The following TNS3 variants were observed in gnomAD, a reference collection of about 807,000 sequenced individuals.
TNS3 encodes tensin-3.
In TNS3, 45 loss-of-function variants were observed where a neutral mutation model predicts 140.9. The ratio of observed to expected loss-of-function variants is 0.32; its 90% CI spans 0.25 to 0.41. TNS3 has a LOEUF of 0.41. Ranked by LOEUF, TNS3 falls within the 10% of genes least tolerant of loss-of-function variation. The probability of loss-of-function intolerance (pLI) is 1.00; values close to 1 mark genes in which losing one functional copy is unlikely to be tolerated. For synonymous variants in TNS3, 815 were observed against 788.4 expected, an observed-to-expected ratio of 1.03 and a Z score of -0.56; for missense variants, 1,716 against 1,906.7, an observed-to-expected ratio of 0.90 and a Z score of 1.86.
chr7:47,532,336 A>G (rs1166890225), intron 1 of TNS3, among the ~76,000 whole-genome samples: 4 of 152,084 alleles, frequency 2.6e-5, no homozygotes, highest in Non-Finnish European at 4.4e-5. Context: ...CAGCCAGCCC[A>G]TGGCCGCCCA....
At chr7:47,542,930 A>AT (rs1205224746) in intron 1 of TNS3, among the ~76,000 whole-genome samples, 1 of 151,366 alleles carries the variant, frequency 6.6e-6, no homozygotes, top group Non-Finnish European at 1.5e-5. Context: ...GACTGTCAAA[A>AT]AAAAAAAAAA....
At chr7:47,318,356 C>T (rs955407633) in intron 20 of TNS3, among the ~76,000 whole-genome samples, 1 of 152,226 alleles carries the variant, frequency 6.6e-6, no homozygotes, top group Admixed American at 6.5e-5. Flanking sequence ...ATAGCTTTCA[C>T]CCTTTGACTT....
intron 20 of TNS3, among the ~76,000 whole-genome samples, chr7:47,343,131 C>A (rs1286454865): frequency 6.6e-6 from 1 of 152,246 alleles, no homozygotes; most frequent in Non-Finnish European, 1.5e-5. Context: ...CCACTGGAAT[C>A]TAACACATGC....
In TNS3 at chr7:47,327,080, C is replaced by A. The variant is rs1161245097; in HGVS notation, c.2650+17675G>T. On this transcript the variant is annotated intron_variant, in intron 20 of 30. Transcript: ENST00000311160. ...AGGGAGCAGATGCCCAGGAGGCCCACCCTGGGCCCAGGCGCCAGCCCTGCC... is the reference window on the plus strand; with the variant it reads ...AGGGAGCAGATGCCCAGGAGGCCCAACCTGGGCCCAGGCGCCAGCCCTGCC... Among the ~76,000 whole-genome samples the A allele has an allele frequency of 8.5e-5, 13 of 152,336 alleles. No individual in the cohort carries two copies. In the South Asian group the frequency reaches 1.7e-3, roughly 19 times the overall value.
intron 10 of TNS3, among the ~76,000 whole-genome samples, chr7:47,423,696 A>C (rs1266261665): frequency 1.3e-5 from 2 of 152,270 alleles, no homozygotes; most frequent in Non-Finnish European, 2.9e-5. Context: ...GTTGCGATAA[A>C]GATCCTGTAG....
At chr7:47,358,572 T>TG (rs1790136005) in intron 17 of TNS3, among the ~76,000 whole-genome samples, 1 of 152,068 alleles carries the variant, frequency 6.6e-6, no homozygotes, top group South Asian at 2.1e-4. Flanking sequence ...TGATGAACTG[T>TG]GGGGAGCGAC....
chr7:47,488,106 T>G (rs1462089267), intron 3 of TNS3, among the ~76,000 whole-genome samples: 1 of 152,248 alleles, frequency 6.6e-6, no homozygotes, highest in Non-Finnish European at 1.5e-5. Context: ...ACCACAGCTT[T>G]GACTTCTTAC....
At chr7:47,318,406 C>A (rs974226700) in intron 20 of TNS3, among the ~76,000 whole-genome samples, 1 of 152,184 alleles carries the variant, frequency 6.6e-6, no homozygotes. Flanking sequence ...TTCCTTTAGC[C>A]AGTTTGAGTT....
intron 4 of TNS3, among the ~76,000 whole-genome samples, chr7:47,464,822 C>G (rs77470602): frequency 0.076 from 11,574 of 152,234 alleles, 593 homozygotes; most frequent in Non-Finnish European, 0.12. Flanking sequence ...CCCAATCACC[C>G]TAAGAAGGAA....
intron 13 of TNS3, among the ~76,000 whole-genome samples, chr7:47,404,781 G>A (rs1793352796): frequency 6.6e-6 from 1 of 152,150 alleles, no homozygotes; most frequent in South Asian, 2.1e-4. Context: ...CTACTCGGGA[G>A]GCTGAGGCAG....
chr7:47,530,838 A>AAATATATATATAT lies in TNS3; in HGVS notation c.-264-1692_-264-1691insATATATATATATT. Among the ~76,000 whole-genome samples, 70 of 54,478 alleles carry AAATATATATATAT rather than the reference A, an allele frequency of 1.3e-3. 1 individual carries two copies. The highest frequency in any genetic ancestry group is 2.7e-3 in the South Asian group (3 of 1,122). The allele number at this position is 54,478 out of a possible 152,430, so 35.7% of individuals were successfully genotyped here. On this transcript the variant is annotated intron_variant, in intron 1 of 30. Transcript: ENST00000311160. Reference sequence around the variant, plus strand: ...AACTCCATCTCAAAAAAAAAAAAAAAATATATATATATATATATATTTCTA... The same window carrying AAATATATATATAT: ...AACTCCATCTCAAAAAAAAAAAAAAAAATATATATATATATATATATATATATATATATTTCTA...
At chr7:47,292,401 T>C (rs1306991989) in intron 26 of TNS3, among the ~76,000 whole-genome samples, 1 of 152,250 alleles carries the variant, frequency 6.6e-6, no homozygotes, top group Admixed American at 6.5e-5. Context: ...GTGGGTGTTA[T>C]TTAATTTCAT....
At chr7:47,291,384 T>G (rs1283567175) in intron 27 of TNS3, among the ~76,000 whole-genome samples, 1 of 152,184 alleles carries the variant, frequency 6.6e-6, no homozygotes, top group Non-Finnish European at 1.5e-5. Context: ...CCATAACATG[T>G]GCATCACTTT....
At position 47,428,395 on chromosome 7, in the gene TNS3, C is replaced by G; in HGVS notation, c.325-19G>C. The G allele has an allele frequency of 7.2e-7, 1 of 1,396,368 alleles. No individual in the cohort carries two copies. Among genetic ancestry groups the G allele is most frequent in the South Asian group, 1.9e-5 (1 of 54,052 alleles). The allele number at this position is 1,396,368 out of a possible 1,614,324, so 86.5% of individuals were successfully genotyped here. On this transcript the variant is annotated intron_variant, in intron 8 of 30. Coordinates refer to ENST00000311160, the MANE Select transcript of TNS3 (RefSeq NM_022748.12). ...TCCCGCCCTGCAGGAGACAAAAGAT[C>G]AGCTGATTTTCTCTGAAATCCCACA... is the stretch of plus-strand genomic sequence containing the variant.
At chr7:47,567,480 C>T (rs1432047121) in intron 1 of TNS3, among the ~76,000 whole-genome samples, 1 of 152,024 alleles carries the variant, frequency 6.6e-6, no homozygotes, top group African/African-American at 2.4e-5. Context: ...GTCAGGAAAT[C>T]GAGACCATCC....
At chr7:47,280,101 G>C in intron 30 of TNS3, 63 bp downstream of exon 30, 1 of 1,595,240 alleles carries the variant, frequency 6.3e-7, no homozygotes, top group Non-Finnish European at 8.6e-7. Flanking sequence ...ATCTGGAAGA[G>C]AATTCAACTT....
intron 17 of TNS3, among the ~76,000 whole-genome samples, chr7:47,366,774 C>T (rs113189828): frequency 0.033 from 4,983 of 152,330 alleles, 270 homozygotes; most frequent in African/African-American, 0.11. Flanking sequence ...TCCATCAACA[C>T]GACTGTAAGG....
At chr7:47,343,495 G>A (rs1789139277) in intron 20 of TNS3, among the ~76,000 whole-genome samples, 1 of 152,188 alleles carries the variant, frequency 6.6e-6, no homozygotes. Context: ...GAGAAGACAG[G>A]ATTCCAGGCC....
chr7:47,369,403 T>C lies in TNS3; in HGVS notation c.1243A>G (p.Arg415Gly). The C allele has an allele frequency of 1.2e-6, 2 of 1,614,046 alleles. No individual in the cohort carries two copies. The highest frequency in any genetic ancestry group is 2.2e-5 in the South Asian group (2 of 91,074). The change falls in exon 17 of 31, where the codon AGG (arginine) becomes GGG (glycine). Residue 415 changes from arginine (R) to glycine (G), a missense_variant. Around this residue, in one of 3 missense-constraint regions of TNS3, gnomAD observed 1,163 missense variants for 1,182.1 expected, o/e 0.98. Coordinates refer to ENST00000311160, the MANE Select transcript of TNS3 (RefSeq NM_022748.12). Reference protein sequence around the residue: ...TEERLAPGTRRGLSAQEKAEL... With the variant: ...TEERLAPGTRGGLSAQEKAEL... ...GCCTTCTCCTGGGCACTCAGGCCCC[T>C]CCTGGTTCCTGGGGCCAGGCGCTCT...
Sources: allele counts gnomAD v4.1 joint callset (sites outside exome capture counted in the v4.1 genomes callset), GRCh38; gene constraint gnomAD v4.1.1; regional missense constraint gnomAD v4.1.1; transcripts MANE v1.5; gene names NCBI Gene and HGNC (gene_info 2026-07-23, HGNC 2026-07-21).